Variants in PCDH7 observed in about 807,000 individuals in gnomAD.
PCDH7 encodes the protein protocadherin 7.
PCDH7 carries 17 observed loss-of-function variants against 58.9 expected under a neutral mutation model. The ratio of observed to expected loss-of-function variants is 0.29; its 90% CI spans 0.20 to 0.43. PCDH7 has a LOEUF of 0.43. PCDH7 is among the 20% of genes least tolerant of loss of function. The pLI, the probability that PCDH7 is intolerant of heterozygous loss-of-function variation, is 1.00. For synonymous variants in PCDH7, 664 were observed against 616.4 expected (o/e 1.08, Z -1.14); for missense variants, 1,274 against 1,441.0 (o/e 0.88, Z 1.88).
rs1578687967 is a variant in PCDH7, at chr4:31,061,242, TG to T, written c.*8-81230del. On this transcript the variant is annotated intron_variant, in intron 3 of 3. Coordinates refer to the PCDH7 transcript ENST00000509759. ...TGCACTGTTCCCTGGATTGAATATT[TG>T]TGATTTTATTTTAAAATCTCTTTTA... Among the ~76,000 whole-genome samples the T allele has an allele frequency of 2.6e-5, 4 of 151,864 alleles. No individual in the cohort carries two copies. In the East Asian group the frequency reaches 7.7e-4, roughly 29 times the overall value.
intron 3 of PCDH7, among the ~76,000 whole-genome samples, chr4:31,050,763 G>A (rs1756669954): frequency 6.6e-6 from 1 of 152,142 alleles, no homozygotes; most frequent in South Asian, 2.1e-4. Context: ...GTGTAATTAA[G>A]TAGATAACAT....
At chr4:30,973,786 G>A (rs567674799) in intron 3 of PCDH7, among the ~76,000 whole-genome samples, 27 of 151,382 alleles carry the variant, frequency 1.8e-4, no homozygotes, top group African/African-American at 6.5e-4. Flanking sequence ...AGTTTCTATT[G>A]TAATCTATCT....
intron 1 of PCDH7, among the ~76,000 whole-genome samples, chr4:30,752,581 A>T (rs541169360): frequency 6.6e-6 from 1 of 151,366 alleles, no homozygotes; most frequent in Non-Finnish European, 1.5e-5. Flanking sequence ...TTTGATCTAA[A>T]TGTGAGGAAT....
intron 1 of PCDH7, among the ~76,000 whole-genome samples, chr4:30,758,940 G>GCTTTTTT (rs1553880707): frequency 1.6e-5 from 2 of 124,236 alleles, no homozygotes; most frequent in African/African-American, 3.1e-5. Context: ...TTGAAGAAGT[G>GCTTTTTT]TTTTTTTTTT....
At chr4:30,885,376 A>G (rs1236792770) in intron 1 of PCDH7, among the ~76,000 whole-genome samples, 2 of 152,200 alleles carry the variant, frequency 1.3e-5, no homozygotes, top group African/African-American at 4.8e-5. Context: ...CTGATATGAT[A>G]TATGTTGAGT....
At chr4:30,876,748 TA>T (rs1736337919) in intron 1 of PCDH7, among the ~76,000 whole-genome samples, 1 of 152,050 alleles carries the variant, frequency 6.6e-6, no homozygotes, top group Non-Finnish European at 1.5e-5. Flanking sequence ...TCATTACTAT[TA>T]TTTTTTACTT....
intron 3 of PCDH7, among the ~76,000 whole-genome samples, chr4:31,131,058 G>A (rs1279350201): frequency 6.6e-6 from 1 of 152,114 alleles, no homozygotes; most frequent in Middle Eastern, 3.2e-3. Flanking sequence ...ACCAAGAGAG[G>A]TTGTAAGAGT....
intron 1 of PCDH7, among the ~76,000 whole-genome samples, chr4:30,826,207 T>C (rs1334831680): frequency 6.6e-6 from 1 of 152,142 alleles, no homozygotes; most frequent in Non-Finnish European, 1.5e-5. Context: ...GGACCTATAT[T>C]GAGTTTAGAA....
chr4:30,729,888 C>T (rs986492444), intron 1 of PCDH7, among the ~76,000 whole-genome samples: 1 of 151,814 alleles, frequency 6.6e-6, no homozygotes, highest in Non-Finnish European at 1.5e-5. Flanking sequence ...AGGCAGTTAA[C>T]CAATCTAGTG....
At chr4:31,067,707 C>A (rs2109247517) in intron 3 of PCDH7, among the ~76,000 whole-genome samples, 1 of 152,066 alleles carries the variant, frequency 6.6e-6, no homozygotes, top group Non-Finnish European at 1.5e-5. Flanking sequence ...TTAGTTCATT[C>A]ATTTATGAGC....
intron 2 of PCDH7, among the ~76,000 whole-genome samples, chr4:30,942,504 T>C (rs1746161510): frequency 6.6e-6 from 1 of 151,986 alleles, no homozygotes; most frequent in Admixed American, 6.6e-5. Context: ...AGTTGAGAAA[T>C]TGTTTTTCTA....
intron 1 of PCDH7, among the ~76,000 whole-genome samples, chr4:30,828,453 G>A (rs1022968095): frequency 2.0e-5 from 3 of 151,810 alleles, no homozygotes; most frequent in African/African-American, 4.8e-5. Context: ...TCACATTTTT[G>A]TGGCTTAAAA....
chr4:30,948,399 G>T (rs1746971405), intron 2 of PCDH7, among the ~76,000 whole-genome samples: 1 of 151,620 alleles, frequency 6.6e-6, no homozygotes, highest in Non-Finnish European at 1.5e-5. Flanking sequence ...TCCCACATTT[G>T]CTTCTTCCAA....
At chr4:31,047,881 G>T (rs1353667716) in intron 3 of PCDH7, among the ~76,000 whole-genome samples, 2 of 151,990 alleles carry the variant, frequency 1.3e-5, no homozygotes, top group Non-Finnish European at 2.9e-5. Flanking sequence ...CACTTGATAG[G>T]AGGTCTGTTT....
intron 3 of PCDH7, among the ~76,000 whole-genome samples, chr4:31,040,009 A>G (rs1755723805): frequency 6.6e-6 from 1 of 152,190 alleles, no homozygotes; most frequent in Non-Finnish European, 1.5e-5. Context: ...CCAAGATGAT[A>G]TAGTGCTGCC....
chr4:30,792,401 CAA>C (rs1206651368), intron 1 of PCDH7, among the ~76,000 whole-genome samples: 2 of 151,512 alleles, frequency 1.3e-5, no homozygotes, highest in Non-Finnish European at 2.9e-5. Flanking sequence ...CAGAAAAAAA[CAA>C]AGCCAATTTC....
intron 3 of PCDH7, among the ~76,000 whole-genome samples, chr4:31,016,018 G>A (rs1367113125): frequency 6.6e-6 from 1 of 152,146 alleles, no homozygotes; most frequent in Non-Finnish European, 1.5e-5. Flanking sequence ...GGCCTGGAAT[G>A]GCGGATGAGT....
chr4:30,975,143 T>TTG (rs35675648), intron 3 of PCDH7, among the ~76,000 whole-genome samples: 20,077 of 138,540 alleles, frequency 0.14, 1,526 homozygotes, highest in Non-Finnish European at 0.18. Flanking sequence ...TTCCCTTTCA[T>TTG]TGTGTGTGTG....
chr4:30,824,233 A>T (rs1728825377), intron 1 of PCDH7, among the ~76,000 whole-genome samples: 1 of 150,456 alleles, frequency 6.6e-6, no homozygotes, highest in Admixed American at 6.7e-5. Context: ...CTTCTTCATA[A>T]AGCTGACCTC....
Sources: allele counts gnomAD v4.1 joint callset (sites outside exome capture counted in the v4.1 genomes callset), GRCh38; gene constraint gnomAD v4.1.1; transcripts MANE v1.5; gene names NCBI Gene and HGNC (gene_info 2026-07-23, HGNC 2026-07-21).